RBM19: variants seen among roughly 807,000 people sequenced by gnomAD.
The protein encoded by RBM19 is RNA binding motif protein 19, also known as probable RNA-binding protein 19.
A neutral mutation model predicts 116.8 loss-of-function variants in RBM19; 94 were observed. The ratio of observed to expected loss-of-function variants is 0.80; its 90% CI spans 0.68 to 0.95. The LOEUF (loss-of-function observed/expected upper bound fraction) is 0.95, where lower values mean the gene tolerates loss of function less well. Ranked by LOEUF, RBM19 falls within the 40% of genes least tolerant of loss-of-function variation. RBM19 has a pLI of 0.00. For missense variants in RBM19, 1,161 were observed against 1,220.7 expected, an observed-to-expected ratio of 0.95 and a Z score of 0.73; for synonymous variants, 475 against 494.1, an observed-to-expected ratio of 0.96 and a Z score of 0.51.
chr12:113,950,860 C>A (rs1238975747), intron 8 of RBM19, among the ~76,000 whole-genome samples: 5 of 152,168 alleles, frequency 3.3e-5, no homozygotes, highest in Non-Finnish European at 7.4e-5. Context: ...GGCACCTCAT[C>A]CATCCCCATA....
chr12:113,925,341 A>G (rs1451905931), intron 17 of RBM19, among the ~76,000 whole-genome samples: 1 of 152,174 alleles, frequency 6.6e-6, no homozygotes, highest in Non-Finnish European at 1.5e-5. Context: ...AGAAACAAAC[A>G]CTACGAGCAG....
intron 23 of RBM19, among the ~76,000 whole-genome samples, chr12:113,836,260 A>C (rs1875876283): frequency 6.6e-6 from 1 of 152,108 alleles, no homozygotes; most frequent in Non-Finnish European, 1.5e-5. Flanking sequence ...GGAAGAGGAC[A>C]GGGGAGATGG....
intron 16 of RBM19, among the ~76,000 whole-genome samples, chr12:113,928,673 G>A (rs1711543106): frequency 7.0e-6 from 1 of 143,492 alleles, no homozygotes; most frequent in Admixed American, 7.0e-5. Flanking sequence ...CTGCAGCTCA[G>A]GGAGTTGGGA....
At chr12:113,854,809 T>C (rs1307495134) in intron 22 of RBM19, among the ~76,000 whole-genome samples, 2 of 152,166 alleles carry the variant, frequency 1.3e-5, no homozygotes, top group Non-Finnish European at 2.9e-5. Flanking sequence ...TGCTGGAGTT[T>C]AGCAAATGCT....
chr12:113,824,025 A>G (rs1415057951), intron 23 of RBM19, among the ~76,000 whole-genome samples: 1 of 152,178 alleles, frequency 6.6e-6, no homozygotes, highest in Non-Finnish European at 1.5e-5. Context: ...GGCTTTGAAG[A>G]ATGCAGAGGA....
At chr12:113,827,471 G>A (rs1874969883) in intron 23 of RBM19, among the ~76,000 whole-genome samples, 1 of 150,480 alleles carries the variant, frequency 6.6e-6, no homozygotes, top group Non-Finnish European at 1.5e-5. Context: ...GCCCTGCATG[G>A]GAGGCGCAGG....
chr12:113,937,197 C>T (rs1430511072), intron 15 of RBM19, 61 bp from the exon 16 acceptor site: 3 of 1,592,348 alleles, frequency 1.9e-6, no homozygotes, highest in Non-Finnish European at 2.6e-6. Flanking sequence ...TGGGGAGGGA[C>T]TCAGTCCCAT....
chr12:113,942,151 T>G (rs1870629527), intron 14 of RBM19, among the ~76,000 whole-genome samples, 173 bp downstream of exon 14: 1 of 152,216 alleles, frequency 6.6e-6, no homozygotes, highest in Admixed American at 6.5e-5. Flanking sequence ...CAGGGTCAGA[T>G]AGGCCACTTG....
intron 1 of RBM19, among the ~76,000 whole-genome samples, chr12:113,963,689 GGC>G (rs1198533770): frequency 2.0e-5 from 3 of 152,214 alleles, no homozygotes; most frequent in Non-Finnish European, 4.4e-5. Context: ...GGAGAGACCT[GGC>G]TCAAGTCTGA....
chr12:113,877,733 T>C (rs1220552761), intron 21 of RBM19, among the ~76,000 whole-genome samples: 1 of 152,216 alleles, frequency 6.6e-6, no homozygotes, highest in Non-Finnish European at 1.5e-5. Flanking sequence ...TGAGAGCTCA[T>C]GTAGACTGGT....
At chr12:113,921,871 C>T (rs1976948) in intron 18 of RBM19, among the ~76,000 whole-genome samples, 10,762 of 152,208 alleles carry the variant, frequency 0.071, 1,266 homozygotes, top group African/African-American at 0.25. Flanking sequence ...ATCCACTCTC[C>T]GCCACCATCC....
chr12:113,854,143 T>C (rs897159646), intron 22 of RBM19, among the ~76,000 whole-genome samples: 1 of 147,814 alleles, frequency 6.8e-6, no homozygotes, highest in Non-Finnish European at 1.5e-5. Context: ...GCAAGCAACT[T>C]TGTCCCTTTG....
intron 21 of RBM19, among the ~76,000 whole-genome samples, chr12:113,893,863 C>A (rs547720911): frequency 1.3e-5 from 2 of 152,188 alleles, no homozygotes; most frequent in African/African-American, 4.8e-5. Flanking sequence ...TGCTCAGGAG[C>A]GACACAGGGC....
intron 21 of RBM19, among the ~76,000 whole-genome samples, chr12:113,910,209 G>C (rs903156045): frequency 6.6e-6 from 1 of 152,100 alleles, no homozygotes; most frequent in Non-Finnish European, 1.5e-5. Flanking sequence ...CCTTTAGTCA[G>C]CCTGTCCACC....
chr12:113,891,692 T>C lies in RBM19; in HGVS notation c.2558+23277A>G, dbSNP rs531273560. Among the ~76,000 whole-genome samples the C allele has an allele frequency of 2.6e-5, 4 of 152,358 alleles. No individual in the cohort carries two copies. In the East Asian group the frequency reaches 7.7e-4, roughly 29 times the overall value. On this transcript the variant is annotated intron_variant, in intron 21 of 23. Coordinates refer to ENST00000261741, the MANE Select transcript of RBM19 (RefSeq NM_016196.4). ...TTTTTCTTTTTAATAATAGACCATT[T>C]TGGGTTGCAGCTACTGCTCTGCTAT...
At chr12:113,959,789 T>C in intron 4 of RBM19, 76 bp downstream of exon 4, 6 of 1,545,106 alleles carry the variant, frequency 3.9e-6, no homozygotes, top group Non-Finnish European at 5.3e-6. Context: ...TCTCCCAGCC[T>C]CTACCCTCTC....
chr12:113,931,095 G>A (rs775114109), intron 16 of RBM19, among the ~76,000 whole-genome samples: 18 of 152,220 alleles, frequency 1.2e-4, no homozygotes, highest in Non-Finnish European at 2.2e-4. Flanking sequence ...TTAAAAGGAC[G>A]ATAATGTAAT....
intron 21 of RBM19, among the ~76,000 whole-genome samples, chr12:113,862,466 T>TG (rs762956167): frequency 1.3e-5 from 2 of 151,984 alleles, no homozygotes; most frequent in Non-Finnish European, 2.9e-5. Flanking sequence ...AAAAAAAGGT[T>TG]GGGGGAGAAG....
At chr12:113,966,042 G>C (rs1489034072) in intron 1 of RBM19, 150 bp downstream of exon 1, 1 of 833,868 alleles carries the variant, frequency 1.2e-6, no homozygotes, top group Non-Finnish European at 1.9e-6. Flanking sequence ...ATGGGGATAA[G>C]CCCAGGATCC....
Sources: gnomAD v4.1 joint callset for allele counts (sites outside exome capture counted in the v4.1 genomes callset) on GRCh38, gnomAD v4.1.1 for gene constraint, MANE v1.5 for transcripts, NCBI Gene and HGNC (gene_info 2026-07-23, HGNC 2026-07-21) for gene names.